Variants in DDI2 observed in about 807,000 individuals in gnomAD.
DDI2 encodes DDI proteasomal shuttling factor 2, also known as protein DDI1 homolog 2.
In DDI2, 5 loss-of-function variants were observed where a neutral mutation model predicts 48.1. The observed-to-expected ratio is 0.10, with a 90% CI of 0.05 to 0.22. DDI2 has a LOEUF of 0.22. Ranked by LOEUF, DDI2 falls within the 10% of genes least tolerant of loss-of-function variation. The pLI is 1.00. For missense variants in DDI2, 285 were observed against 506.2 expected, an observed-to-expected ratio of 0.56 and a Z score of 4.19; for synonymous variants, 205 against 183.6, an observed-to-expected ratio of 1.12 and a Z score of -0.94.
At chr1:15,633,082 C>A (rs1639872307) in intron 3 of DDI2, among the ~76,000 whole-genome samples, 1 of 151,632 alleles carries the variant, frequency 6.6e-6, no homozygotes, top group African/African-American at 2.4e-5. Context: ...GCATGCACCA[C>A]CACGCCCAAC....
At chr1:15,636,482 G>C (rs1009418118) in intron 4 of DDI2, among the ~76,000 whole-genome samples, 29 of 112,718 alleles carry the variant, frequency 2.6e-4, no homozygotes, top group African/African-American at 1.6e-3. Flanking sequence ...ATAAAACAGG[G>C]CAAAAAAAAA....
chr1:15,637,758 G>A (rs1051855722), intron 4 of DDI2, among the ~76,000 whole-genome samples: 2 of 152,028 alleles, frequency 1.3e-5, no homozygotes, highest in Non-Finnish European at 2.9e-5. Flanking sequence ...TTTTTTTGTA[G>A]CATAAGCTGT....
intron 8 of DDI2, among the ~76,000 whole-genome samples, chr1:15,655,322 T>C (rs1339742705): frequency 2.6e-5 from 4 of 152,164 alleles, no homozygotes; most frequent in Non-Finnish European, 5.9e-5. Flanking sequence ...AGTATTTTGT[T>C]AACAACTTCT....
Position 15,660,670 on chromosome 1 carries a change from C to T in DDI2, c.*880C>T. The T allele has an allele frequency of 6.2e-7, 1 of 1,614,168 alleles. No individual in the cohort carries two copies. Among genetic ancestry groups the T allele is most frequent in the Non-Finnish European group, 8.5e-7 (1 of 1,180,040 alleles). On this transcript the variant is annotated 3_prime_UTR_variant, in exon 10 of 10. Coordinates refer to ENST00000480945, the MANE Select transcript of DDI2 (RefSeq NM_032341.5). ...TACTTTGCTTAATTCAACAGGCAGGCAGAATGCCAATGTCAAGAACATTGG... is the reference window on the plus strand; with the variant it reads ...TACTTTGCTTAATTCAACAGGCAGGTAGAATGCCAATGTCAAGAACATTGG...
At position 15,661,884 on chromosome 1, in the gene DDI2, GTAATT is replaced by G; in HGVS notation, c.*2097_*2101del. The G allele has an allele frequency of 2.9e-6, 3 of 1,020,072 alleles. No homozygotes were observed. Among genetic ancestry groups the G allele is most frequent in the Non-Finnish European group, 4.0e-6 (3 of 756,066 alleles). The allele number at this position is 1,020,072 out of a possible 1,614,324, so 63.2% of individuals were successfully genotyped here. A position where few individuals can be genotyped will look rare whatever the true frequency, so the allele number is the denominator to read the frequency against. On this transcript the variant is annotated 3_prime_UTR_variant, in exon 10 of 10. Coordinates refer to ENST00000480945, the MANE Select transcript of DDI2 (RefSeq NM_032341.5). Reference sequence around the variant, plus strand: ...TTTTTAAAGATTTTTTTCGGCCAAAGTAATTTATGATCTTTTGTCTGATGAATTTG... The same window carrying G: ...TTTTTAAAGATTTTTTTCGGCCAAAGTATGATCTTTTGTCTGATGAATTTG...
chr1:15,635,491 C>T (rs911851113), intron 4 of DDI2, among the ~76,000 whole-genome samples: 3 of 152,116 alleles, frequency 2.0e-5, no homozygotes, highest in African/African-American at 7.2e-5. Flanking sequence ...TTGCAGCCTC[C>T]GCCTCCCAAG....
chr1:15,643,569 A>G lies in DDI2; in HGVS notation c.808A>G (p.Ile270Val). 1 of 1,614,238 alleles carries G rather than the reference A, an allele frequency of 6.2e-7. No homozygotes were observed. Among genetic ancestry groups the G allele is most frequent in the South Asian group, 1.1e-5 (1 of 91,086 alleles). Residue 270 changes from isoleucine (I) to valine (V), a missense_variant, in exon 6 of 10, where the codon ATA (isoleucine) becomes GTA (valine). Physicochemically the swap from Ile to Val is conservative, Grantham distance 29. Transcript: ENST00000480945. ...MSQACAERCN[I>V]MRLVDRRWAG... is the part of the protein sequence containing the mutation. ...CCAAGCTTGTGCAGAAAGGTGTAAC[A>G]TAATGAGACTGGTGGACCGTCGGTG...
In DDI2 at chr1:15,626,791, G is replaced by A; in HGVS notation, c.261G>A (p.Gln87=). 1 of 1,614,146 alleles carries A rather than the reference G, an allele frequency of 6.2e-7. No individual in the cohort carries two copies. Among genetic ancestry groups the A allele is most frequent in the Non-Finnish European group, 8.5e-7 (1 of 1,180,030 alleles). Residue 87 remains glutamine, a synonymous_variant, in exon 2 of 10, where the codon CAG becomes CAA. Coordinates refer to ENST00000480945, the MANE Select transcript of DDI2 (RefSeq NM_032341.5). ...ATGCAGACCCTCGACCTCCAGTGCA[G>A]TTCCCAAGTAAGACATCTGGTGGTT... is the stretch of plus-strand genomic sequence containing the variant. The part of the protein sequence containing the change: ...KENADPRPPV[Q]FPNLPRIDFS...
intron 6 of DDI2, among the ~76,000 whole-genome samples, chr1:15,644,598 T>G (rs1012137389): frequency 4.5e-5 from 6 of 133,666 alleles, no homozygotes; most frequent in South Asian, 2.5e-4. Context: ...TTTTTTTTTT[T>G]TTTTTTTTTT....
At chr1:15,631,720 G>A (rs1422618422) in intron 3 of DDI2, among the ~76,000 whole-genome samples, 1 of 151,888 alleles carries the variant, frequency 6.6e-6, no homozygotes, top group Non-Finnish European at 1.5e-5. Flanking sequence ...GGTTACTACT[G>A]TTTTGATAAT....
chr1:15,623,556 G>GCTT (rs140856838), intron 1 of DDI2, among the ~76,000 whole-genome samples: 6 of 141,522 alleles, frequency 4.2e-5, no homozygotes, highest in East Asian at 4.0e-4. Context: ...ACCATGCCTG[G>GCTT]CTTATTATTA....
rs189820353 is a variant in DDI2 at position 15,651,677 on chromosome 1, C to T, written c.994-29C>T. On this transcript the variant is annotated intron_variant, in intron 7 of 9. Transcript: ENST00000480945. ...ATTTTTCTGCATGGTGTTTTATCTGCTATTATTCTTTGGTTTCTTTCTTCC... is the reference window on the plus strand; with the variant it reads ...ATTTTTCTGCATGGTGTTTTATCTGTTATTATTCTTTGGTTTCTTTCTTCC... 8 of 1,577,832 alleles carry T rather than the reference C, an allele frequency of 5.1e-6. No individual in the cohort carries two copies. In the East Asian group the frequency reaches 1.8e-4, roughly 36 times the overall value.
chr1:15,656,506 C>T, intron 8 of DDI2, 111 bp from the exon 9 acceptor site: 1 of 1,603,898 alleles, frequency 6.2e-7, no homozygotes, highest in East Asian at 2.2e-5. Flanking sequence ...AACTTGGAAT[C>T]TACCAGTTCC....
chr1:15,630,467 G>A lies in DDI2; in HGVS notation c.411G>A (p.Leu137=), dbSNP rs140041751. 6.8e-6 allele frequency: 11 copies of A among 1,614,076 alleles called. No individual in the cohort carries two copies. Among genetic ancestry groups the A allele is most frequent in the Non-Finnish European group, 9.3e-6 (11 of 1,180,048 alleles). Residue 137 remains leucine, a synonymous_variant, in exon 3 of 10, where the codon TTG becomes TTA. Transcript: ENST00000480945. ...CTCAGGGCTTGGACAATCCAGCCTT[G>A]CTCCGAGATATGTTGCTGGCCAACC... is the stretch of plus-strand genomic sequence containing the variant. ...SSPQGLDNPA[L]LRDMLLANPH...
chr1:15,660,910 T>G lies in DDI2; in HGVS notation c.*1120T>G. The G allele has an allele frequency of 1.9e-6, 3 of 1,613,902 alleles. No homozygotes were observed. The highest frequency in any genetic ancestry group is 2.5e-6 in the Non-Finnish European group (3 of 1,179,962). On this transcript the variant is annotated 3_prime_UTR_variant, in exon 10 of 10. Transcript: ENST00000480945. ...GCCTTCTGTGGAGTCAGCAGAAGAA[T>G]CTTGCCCGTCTATAACGGCAGCCTT...
chr1:15,667,777 G>C lies in DDI2; in HGVS notation c.*7987G>C, dbSNP rs1041604871. 6.6e-6 allele frequency: 1 copy of C among 152,170 alleles called. No homozygotes were observed. Among genetic ancestry groups the C allele is most frequent in the African/African-American group, 2.4e-5 (1 of 41,430 alleles). 9.4% of individuals were successfully genotyped at this position (152,170 alleles called of 1,614,324 possible). A position where few individuals can be genotyped will look rare whatever the true frequency, so the allele number is the denominator to read the frequency against. On this transcript the variant is annotated 3_prime_UTR_variant, in exon 10 of 10. Transcript: ENST00000480945. ...GATCGTAACTACTAGTGACTTCTGA[G>C]GTTTACAGTTAGAAAATGTTCTCAA...
intron 1 of DDI2, among the ~76,000 whole-genome samples, chr1:15,624,639 A>AT (rs1557612111): frequency 1.3e-3 from 192 of 151,256 alleles, no homozygotes; most frequent in African/African-American, 4.2e-3. Context: ...GGCTATTTAA[A>AT]ATTTTTTTTT....
chr1:15,649,884 A>G (rs1334805884), intron 7 of DDI2, 61 bp downstream of exon 7: 3 of 1,483,180 alleles, frequency 2.0e-6, no homozygotes, highest in Non-Finnish European at 1.8e-6. Context: ...TCATTATCAC[A>G]TTATTTTTAT....
intron 2 of DDI2, among the ~76,000 whole-genome samples, chr1:15,628,444 AGTTT>A (rs909259277): frequency 2.0e-4 from 30 of 152,312 alleles, no homozygotes; most frequent in African/African-American, 5.3e-4. Flanking sequence ...ACTTGAGACA[AGTTT>A]GTTTGTTTTT....
Sources: gnomAD v4.1 joint callset for allele counts (sites outside exome capture counted in the v4.1 genomes callset) on GRCh38, gnomAD v4.1.1 for gene constraint, MANE v1.5 for transcripts, NCBI Gene and HGNC (gene_info 2026-07-23, HGNC 2026-07-21) for gene names.